EDAR: variants seen among roughly 807,000 people sequenced by gnomAD.
The protein encoded by EDAR is ectodysplasin A receptor, also known as tumor necrosis factor receptor superfamily member EDAR.
Under a neutral mutation model 51.3 loss-of-function variants are expected in EDAR, and 38 were observed. The ratio of observed to expected loss-of-function variants is 0.74; its 90% CI spans 0.57 to 0.97. The LOEUF (loss-of-function observed/expected upper bound fraction) is 0.97, where lower values mean the gene tolerates loss of function less well. EDAR is among the 50% of genes least tolerant of loss of function. EDAR has a pLI of 0.00. For missense variants in EDAR, 528 were observed against 595.0 expected, an observed-to-expected ratio of 0.89 and a Z score of 1.17; for synonymous variants, 227 against 242.1, an observed-to-expected ratio of 0.94 and a Z score of 0.58.
At position 108,923,457 on chromosome 2, in the gene EDAR, CG is replaced by C; in HGVS notation, c.357-5del. ...TCTGTTCTCCAGCATGTAGTAGCTA[CG>C]GGGGAGAGACAAGACAAAACAGAGA... On this transcript the variant is annotated splice_polypyrimidine_tract_variant and splice_region_variant and intron_variant, in intron 4 of 11. Transcript: ENST00000258443. 6.2e-7 allele frequency: 1 copy of C among 1,613,772 alleles called. No individual in the cohort carries two copies.
chr2:108,930,853 G>A, intron 2 of EDAR, 111 bp downstream of exon 2: 1 of 1,195,892 alleles, frequency 8.4e-7, no homozygotes, highest in Non-Finnish European at 1.2e-6. Context: ...AGAACCCTGT[G>A]GAGGAGGGAC....
chr2:108,980,752 G>A (rs771900352), intron 1 of EDAR, among the ~76,000 whole-genome samples: 20 of 152,088 alleles, frequency 1.3e-4, no homozygotes, highest in African/African-American at 1.9e-4. Context: ...GAACAAATGC[G>A]GCAGCCCTGA....
intron 4 of EDAR, among the ~76,000 whole-genome samples, chr2:108,925,001 C>A (rs1697226402): frequency 6.6e-6 from 1 of 152,250 alleles, no homozygotes; most frequent in South Asian, 2.1e-4. Flanking sequence ...CATCTCACCT[C>A]CTCTGTGCCT....
intron 11 of EDAR, among the ~76,000 whole-genome samples, chr2:108,897,576 C>A (rs1224882930): frequency 1.3e-5 from 2 of 152,088 alleles, no homozygotes; most frequent in Non-Finnish European, 2.9e-5. Context: ...ACCCTGTCTC[C>A]CATGGGGCTG....
At chr2:108,983,155 C>T (rs1290821987) in intron 1 of EDAR, among the ~76,000 whole-genome samples, 1 of 152,180 alleles carries the variant, frequency 6.6e-6, no homozygotes, top group Non-Finnish European at 1.5e-5. Context: ...GAGATACAGG[C>T]TTTCTGCAGA....
intron 1 of EDAR, among the ~76,000 whole-genome samples, chr2:108,962,710 G>T (rs1698075471): frequency 1.3e-5 from 2 of 148,828 alleles, no homozygotes; most frequent in Non-Finnish European, 3.0e-5. Flanking sequence ...AAGAGAGAAA[G>T]GAATGCAATT....
At chr2:108,938,652 G>A (rs1697523593) in intron 1 of EDAR, among the ~76,000 whole-genome samples, 1 of 151,318 alleles carries the variant, frequency 6.6e-6, no homozygotes, top group Admixed American at 6.6e-5. Context: ...GCTTGGAGAA[G>A]TTTTGAAAAA....
intron 1 of EDAR, among the ~76,000 whole-genome samples, chr2:108,956,095 T>A (rs557085860): frequency 6.6e-6 from 1 of 152,322 alleles, no homozygotes; most frequent in African/African-American, 2.4e-5. Flanking sequence ...GGTTTGACTG[T>A]TTCATTCCCT....
intron 11 of EDAR, among the ~76,000 whole-genome samples, chr2:108,902,240 G>T (rs1397711342): frequency 6.6e-6 from 1 of 152,006 alleles, no homozygotes; most frequent in East Asian, 1.9e-4. Context: ...CTGGGCCATG[G>T]TGGCATGTGC....
chr2:108,937,233 C>T (rs374123304), intron 1 of EDAR, among the ~76,000 whole-genome samples: 3 of 152,352 alleles, frequency 2.0e-5, no homozygotes, highest in Admixed American at 6.5e-5. Context: ...CTTTCATTTG[C>T]AAACTCCCTG....
chr2:108,928,640 G>A (rs1396496106), intron 4 of EDAR, among the ~76,000 whole-genome samples: 1 of 152,202 alleles, frequency 6.6e-6, no homozygotes, highest in African/African-American at 2.4e-5. Context: ...GGGATTGAGA[G>A]TCTGTATTTT....
chr2:108,972,976 T>A (rs1424132224), intron 1 of EDAR, among the ~76,000 whole-genome samples: 3 of 152,202 alleles, frequency 2.0e-5, no homozygotes, highest in Admixed American at 6.5e-5. Flanking sequence ...TTTATTTTTT[T>A]ATTTATTTTA....
chr2:108,929,102 G>A, intron 4 of EDAR, 96 bp downstream of exon 4: 1 of 1,423,036 alleles, frequency 7.0e-7, no homozygotes, highest in Non-Finnish European at 9.8e-7. Context: ...GAGGCCTGCA[G>A]TATCCATGAC....
At chr2:108,947,441 G>C (rs749077483) in intron 1 of EDAR, among the ~76,000 whole-genome samples, 13 of 152,304 alleles carry the variant, frequency 8.5e-5, no homozygotes, top group Admixed American at 3.9e-4. Flanking sequence ...GACTCTGTGT[G>C]GGGGCTCCAA....
At chr2:108,966,984 G>A (rs1223585627) in intron 1 of EDAR, among the ~76,000 whole-genome samples, 1 of 152,226 alleles carries the variant, frequency 6.6e-6, no homozygotes, top group East Asian at 1.9e-4. Context: ...GCCCAGGCTG[G>A]AGTGCTGTGG....
intron 1 of EDAR, among the ~76,000 whole-genome samples, chr2:108,932,402 A>T (rs1697382948): frequency 6.6e-6 from 1 of 151,636 alleles, no homozygotes; most frequent in Admixed American, 6.6e-5. Context: ...GGTGGTGGGC[A>T]CCTGTAGTCC....
chr2:108,909,568 G>A (rs1207013049), intron 9 of EDAR, among the ~76,000 whole-genome samples: 1 of 152,196 alleles, frequency 6.6e-6, no homozygotes, highest in African/African-American at 2.4e-5. Flanking sequence ...ACTGTTGCGG[G>A]GGTGTCCTTC....
chr2:108,982,195 A>G (rs1463669290), intron 1 of EDAR, among the ~76,000 whole-genome samples: 2 of 152,244 alleles, frequency 1.3e-5, no homozygotes, highest in Non-Finnish European at 2.9e-5. Flanking sequence ...CCGTTGTCTT[A>G]CAGCAAATGC....
chr2:108,985,927 G>A (rs1698489836), intron 1 of EDAR, among the ~76,000 whole-genome samples: 1 of 152,178 alleles, frequency 6.6e-6, no homozygotes, highest in Admixed American at 6.5e-5. Flanking sequence ...GGTGTGCTAT[G>A]ACTGAAGACA....
Sources: allele counts gnomAD v4.1 joint callset (sites outside exome capture counted in the v4.1 genomes callset), GRCh38; gene constraint gnomAD v4.1.1; transcripts MANE v1.5; gene names NCBI Gene and HGNC (gene_info 2026-07-23, HGNC 2026-07-21).